UPF1: variants seen among roughly 807,000 people sequenced by gnomAD.
UPF1 encodes UPF1 RNA helicase and ATPase.
UPF1 carries 9 observed loss-of-function variants against 129.2 expected under a neutral mutation model. That is an observed-to-expected ratio of 0.07 (90% confidence interval 0.04 to 0.12). The LOEUF (loss-of-function observed/expected upper bound fraction) is 0.12. UPF1 is among the 10% of genes least tolerant of loss of function. The probability of loss-of-function intolerance (pLI) is 1.00; values close to 1 mark genes in which losing one functional copy is unlikely to be tolerated. For missense variants in UPF1, 788 were observed against 1,525.3 expected (o/e 0.52, Z 8.05); for synonymous variants, 649 against 644.9 (o/e 1.01, Z -0.10).
rs72080135 is a variant in UPF1 at position 18,843,717 on chromosome 19, TTGTGTGTGTGTGTG to T, written c.232-2241_232-2228del. ...TGGGGTTTTGCCATGTTGGCCAGGC[TTGTGTGTGTGTGTG>T]TGTGTGTGTGTGTGTGTGTGTTGTT... is the stretch of plus-strand genomic sequence containing the variant. On this transcript the variant is annotated intron_variant, in intron 1 of 23. Transcript: ENST00000262803. 6.0e-4 allele frequency among the ~76,000 whole-genome samples: 86 copies of T among 144,076 alleles called. 2 individuals are homozygous for T. The East Asian group carries it at 0.013, about 23-fold the overall frequency. The allele number at this position is 144,076 out of a possible 152,430, so 94.5% of individuals were successfully genotyped here.
chr19:18,864,640 T>TCTCAAA (rs1491467362), intron 20 of UPF1, among the ~76,000 whole-genome samples: 1 of 151,894 alleles, frequency 6.6e-6, no homozygotes, highest in Admixed American at 6.6e-5. Context: ...TCCAGGCTGG[T>TCTCAAA]CTCAAACTCC....
chr19:18,839,400 A>G (rs573009377), intron 1 of UPF1, among the ~76,000 whole-genome samples: 2 of 152,174 alleles, frequency 1.3e-5, no homozygotes, highest in African/African-American at 2.4e-5. Flanking sequence ...GGCCCCTTTA[A>G]GTATAGAACT....
chr19:18,837,613 C>T (rs1346706381), intron 1 of UPF1, among the ~76,000 whole-genome samples: 1 of 152,188 alleles, frequency 6.6e-6, no homozygotes, highest in Admixed American at 6.5e-5. Context: ...TCTTAGCTCA[C>T]CTGAAAGTAT....
chr19:18,852,742 G>A (rs925111971), intron 6 of UPF1, among the ~76,000 whole-genome samples: 3 of 147,102 alleles, frequency 2.0e-5, no homozygotes, highest in African/African-American at 7.5e-5. Flanking sequence ...CCCTGGCCAC[G>A]GAGGCCTCTG....
chr19:18,860,734 C>G, intron 16 of UPF1, 92 bp from the exon 17 acceptor site: 1 of 1,528,714 alleles, frequency 6.5e-7, no homozygotes, highest in African/African-American at 1.4e-5. Context: ...TGCCTTCCCG[C>G]AGGGTGTTGT....
In UPF1 at chr19:18,865,165, C is replaced by A; in HGVS notation, c.2858-124C>A. On this transcript the variant is annotated intron_variant, in intron 20 of 23. Coordinates refer to ENST00000262803, the MANE Select transcript of UPF1 (RefSeq NM_002911.4). This position sits in a 1 kb window ranked among gnomAD's most constrained non-coding sequence, Gnocchi z 6.1. ...AACATGGAGTCCTGCGAATCCGCAT[C>A]TTCAGCCTGGGCAGAGCCAGGACAG... 1 of 1,273,030 alleles carries A rather than the reference C, an allele frequency of 7.9e-7. No homozygotes were observed. The highest frequency in any genetic ancestry group is 1.1e-6 in the Non-Finnish European group (1 of 935,258). The allele number at this position is 1,273,030 out of a possible 1,614,324, so 78.9% of individuals were successfully genotyped here. A position where few individuals can be genotyped will look rare whatever the true frequency, so the allele number is the denominator to read the frequency against.
intron 1 of UPF1, among the ~76,000 whole-genome samples, chr19:18,840,797 G>A (rs767918876): frequency 2.6e-5 from 4 of 152,244 alleles, no homozygotes; most frequent in Non-Finnish European, 5.9e-5. Context: ...TCTGGTGGCT[G>A]GCAGCAGGTC....
At position 18,860,811 on chromosome 19, in the gene UPF1, G is replaced by T; in HGVS notation, c.2301-15G>T. The stretch of plus-strand genomic sequence containing the variant: ...CCACAGGTGGAGCCCAGCACTGACA[G>T]CCTGGGTTTCTTAGGACCGAGGCTG... On this transcript the variant is annotated splice_polypyrimidine_tract_variant and intron_variant, in intron 16 of 23. Coordinates refer to ENST00000262803, the MANE Select transcript of UPF1 (RefSeq NM_002911.4). 6.2e-7 allele frequency: 1 copy of T among 1,611,888 alleles called. No individual in the cohort carries two copies. Among genetic ancestry groups the T allele is most frequent in the South Asian group, 1.1e-5 (1 of 90,870 alleles).
intron 20 of UPF1, among the ~76,000 whole-genome samples, chr19:18,864,918 T>C (rs1244802076): frequency 6.6e-6 from 1 of 151,738 alleles, no homozygotes; most frequent in Non-Finnish European, 1.5e-5. Flanking sequence ...TTTGTGTTTT[T>C]AGTAGAAACG....
rs10410987 is a variant in UPF1, at chr19:18,867,128, G to C, written c.*611G>C. 0.89 allele frequency: 136,479 copies of C among 152,666 alleles called. 61,092 individuals are homozygous for C. Among genetic ancestry groups the C allele is most frequent in the African/African-American group, 0.92 (38,134 of 41,574 alleles). 9.5% of individuals were successfully genotyped at this position (152,666 alleles called of 1,614,324 possible). ...GAAGAATACTTTCCTAAGTTTGTCTGTAAAATCTTAGCGGTGGACCTGGGA... is the reference window on the plus strand; with the variant it reads ...GAAGAATACTTTCCTAAGTTTGTCTCTAAAATCTTAGCGGTGGACCTGGGA... On this transcript the variant is annotated 3_prime_UTR_variant, in exon 24 of 24. Transcript: ENST00000262803.
At chr19:18,859,148 AGCTTGT>A (rs1235601598) in intron 15 of UPF1, among the ~76,000 whole-genome samples, 1 of 152,194 alleles carries the variant, frequency 6.6e-6, no homozygotes, top group African/African-American at 2.4e-5. Context: ...ACAGAGACCT[AGCTTGT>A]GCTCTGGGGT....
At chr19:18,835,347 C>CT (rs111301940) in intron 1 of UPF1, among the ~76,000 whole-genome samples, 7,666 of 146,444 alleles carry the variant, frequency 0.052, 273 homozygotes, top group African/African-American at 0.091. Context: ...CATTTCATTC[C>CT]TTTTTTTTTT....
chr19:18,832,533 C>A lies in UPF1; in HGVS notation c.231+93C>A. The A allele has an allele frequency of 1.1e-6, 1 of 919,416 alleles. No individual in the cohort carries two copies. Among genetic ancestry groups the A allele is most frequent in the Middle Eastern group, 5.5e-4 (1 of 1,806 alleles). 57.0% of individuals were successfully genotyped at this position (919,416 alleles called of 1,614,324 possible). ...GCCTCGGGCCCGGCCTGTGTTTGGCCGGAGTCCCCCATCGCGGCCGGGCCT... is the reference window on the plus strand; with the variant it reads ...GCCTCGGGCCCGGCCTGTGTTTGGCAGGAGTCCCCCATCGCGGCCGGGCCT... On this transcript the variant is annotated intron_variant, in intron 1 of 23. Transcript: ENST00000262803. This position sits in a 1 kb window ranked among gnomAD's most constrained non-coding sequence, Gnocchi z 5.6.
At position 18,850,735 on chromosome 19, in the gene UPF1, G is replaced by A; in HGVS notation, c.677G>A (p.Ser226Asn). The change falls in exon 5 of 24, where the codon AGC becomes AAC. Residue 226 changes from serine (S) to asparagine (N), a missense_variant. Physicochemically the swap from Ser to Asn is conservative, Grantham distance 46. Transcript: ENST00000262803. This position sits in a 1 kb window ranked among gnomAD's most constrained non-coding sequence, Gnocchi z 7.1. The stretch of plus-strand genomic sequence containing the variant: ...AGCCTCAAGGACATCAACTGGGACA[G>A]CTCGCAGTGGCAGCCGCTGATCCAG... Reference protein sequence around the residue: ...QSSLKDINWDSSQWQPLIQDR... With the variant: ...QSSLKDINWDNSQWQPLIQDR... 6.2e-7 allele frequency: 1 copy of A among 1,611,236 alleles called. No individual in the cohort carries two copies.
chr19:18,847,037 C>T (rs1423699102), intron 2 of UPF1, among the ~76,000 whole-genome samples: 1 of 152,254 alleles, frequency 6.6e-6, no homozygotes, highest in East Asian at 1.9e-4. Flanking sequence ...TGGGGCCCTC[C>T]CTGCAGCTCC....
chr19:18,864,594 C>CT (rs200366136), intron 20 of UPF1, among the ~76,000 whole-genome samples: 338 of 151,328 alleles, frequency 2.2e-3, no homozygotes, highest in Admixed American at 3.9e-3. Context: ...CATTTATTTT[C>CT]TTTTTTTTGT....
chr19:18,843,485 G>T (rs2055562712), intron 1 of UPF1, among the ~76,000 whole-genome samples: 1 of 148,480 alleles, frequency 6.7e-6, no homozygotes, highest in South Asian at 2.2e-4. Context: ...AATTTCTGTG[G>T]TTTTCGTCTG....
At chr19:18,854,849 C>G in intron 9 of UPF1, 30 bp from the exon 10 acceptor site, 3 of 1,612,450 alleles carry the variant, frequency 1.9e-6, no homozygotes, top group Non-Finnish European at 1.7e-6. Context: ...CACAGCTGTG[C>G]GTGTCGCCAA....
rs374966308 is a variant in UPF1, at chr19:18,855,230, G to A, written c.1532G>A (p.Arg511Gln). 8 of 1,611,228 alleles carry A rather than the reference G, an allele frequency of 5.0e-6. No individual in the cohort carries two copies. Among genetic ancestry groups the A allele is most frequent in the African/African-American group, 2.7e-5 (2 of 74,950 alleles). The stretch of plus-strand genomic sequence containing the variant: ...GCCACCATCGTCTACCACCTGGCCC[G>A]GCAAGGCAACGGGTAGGGCTGACAC... The part of the protein sequence containing the change: ...TSATIVYHLA[R>Q]QGNGPVLVCA... Residue 511 changes from arginine to glutamine, a missense_variant, in exon 11 of 24, where the codon CGG becomes CAG. Physicochemically the swap from Arg to Gln is conservative, Grantham distance 43. Around this residue, in one of 6 missense-constraint regions of UPF1, gnomAD observed 91 missense variants for 157.2 expected, o/e 0.58. Coordinates refer to ENST00000262803, the MANE Select transcript of UPF1 (RefSeq NM_002911.4).
Sources: gnomAD v4.1 joint callset for allele counts (sites outside exome capture counted in the v4.1 genomes callset) on GRCh38, gnomAD v4.1.1 for gene constraint, gnomAD v4.1.1 regional missense constraint, Gnocchi (gnomAD v3.1) non-coding constraint, MANE v1.5 for transcripts, NCBI Gene and HGNC (gene_info 2026-07-23, HGNC 2026-07-21) for gene names.